The following SLC39A11 variants were observed in gnomAD, a reference collection of about 807,000 sequenced individuals.
SLC39A11 encodes zinc transporter ZIP11.
In SLC39A11, 33 loss-of-function variants were observed where a neutral mutation model predicts 36.1. The observed-to-expected ratio is 0.91, with a 90% CI of 0.69 to 1.22. The LOEUF (loss-of-function observed/expected upper bound fraction) is 1.22. SLC39A11 is among the 50% of genes most tolerant of loss of function. The probability of loss-of-function intolerance (pLI) is 0.00; values close to 1 mark genes in which losing one functional copy is unlikely to be tolerated. For synonymous variants in SLC39A11, 166 were observed against 170.3 expected (o/e 0.97, Z 0.20); for missense variants, 432 against 430.3 (o/e 1.00, Z -0.03).
At chr17:73,074,586 C>T (rs990284457) in intron 3 of SLC39A11, among the ~76,000 whole-genome samples, 1 of 152,010 alleles carries the variant, frequency 6.6e-6, no homozygotes, top group African/African-American at 2.4e-5. Flanking sequence ...TGTGAGCCAC[C>T]GTACCCAGCC....
intron 3 of SLC39A11, among the ~76,000 whole-genome samples, chr17:73,062,475 A>AAAAAAAAC (rs56021607): frequency 0.01 from 876 of 87,002 alleles, 73 homozygotes; most frequent in African/African-American, 0.037. Flanking sequence ...AAAAAAAAAA[A>AAAAAAAAC]AAACTTTAGG....
At chr17:72,651,399 C>T (rs2069845788) in intron 7 of SLC39A11, among the ~76,000 whole-genome samples, 3 of 152,036 alleles carry the variant, frequency 2.0e-5, no homozygotes, top group Non-Finnish European at 4.4e-5. Context: ...CACCTGTGGC[C>T]ACTACTGAAT....
intron 6 of SLC39A11, among the ~76,000 whole-genome samples, chr17:72,741,126 A>G (rs1012787624): frequency 6.6e-6 from 1 of 152,088 alleles, no homozygotes; most frequent in African/African-American, 2.4e-5. Flanking sequence ...CTGCAACAGC[A>G]ACAGGAGGTG....
intron 4 of SLC39A11, among the ~76,000 whole-genome samples, chr17:72,985,991 G>A (rs201300819): frequency 6.6e-6 from 1 of 152,146 alleles, no homozygotes; most frequent in Non-Finnish European, 1.5e-5. Context: ...GCTACTAGAA[G>A]CCAAGGAACC....
chr17:72,738,393 ACT>A (rs1270738685), intron 6 of SLC39A11, among the ~76,000 whole-genome samples: 2 of 152,096 alleles, frequency 1.3e-5, no homozygotes, highest in African/African-American at 4.8e-5. Flanking sequence ...TGCGGTCTAC[ACT>A]GATGGGGTGG....
chr17:72,755,317 C>G (rs1197034574), intron 6 of SLC39A11, among the ~76,000 whole-genome samples: 2 of 152,226 alleles, frequency 1.3e-5, no homozygotes, highest in African/African-American at 4.8e-5. Context: ...GCAACGAAAT[C>G]AGGAGGCGAA....
chr17:72,972,790 T>C (rs1269017677), intron 4 of SLC39A11, among the ~76,000 whole-genome samples: 2 of 152,296 alleles, frequency 1.3e-5, no homozygotes, highest in East Asian at 3.9e-4. Context: ...GCTCTGCCCG[T>C]GGAAATCACT....
At chr17:72,668,637 G>C (rs2070861074) in intron 7 of SLC39A11, among the ~76,000 whole-genome samples, 1 of 152,202 alleles carries the variant, frequency 6.6e-6, no homozygotes, top group Admixed American at 6.5e-5. Flanking sequence ...CTATGAATGG[G>C]CATGAAGGAA....
chr17:72,830,911 C>T (rs1451074373), intron 6 of SLC39A11, among the ~76,000 whole-genome samples: 1 of 152,166 alleles, frequency 6.6e-6, no homozygotes, highest in Non-Finnish European at 1.5e-5. Context: ...CCACTCCCAA[C>T]AGGAAAGCCC....
intron 3 of SLC39A11, among the ~76,000 whole-genome samples, chr17:73,048,083 T>C (rs2059380563): frequency 1.3e-5 from 2 of 148,840 alleles, no homozygotes; most frequent in African/African-American, 4.9e-5. Flanking sequence ...TTTCAGCTTT[T>C]AGTTTGGATA....
intron 6 of SLC39A11, among the ~76,000 whole-genome samples, chr17:72,777,646 T>C (rs2713969): frequency 0.65 from 99,494 of 151,920 alleles, 33,808 homozygotes; most frequent in Non-Finnish European, 0.77. Context: ...AAGAAAGGTC[T>C]TCTCTAGAGC....
At chr17:72,693,578 T>G (rs1433473862) in intron 7 of SLC39A11, among the ~76,000 whole-genome samples, 1 of 152,110 alleles carries the variant, frequency 6.6e-6, no homozygotes, top group Non-Finnish European at 1.5e-5. Context: ...GCGTGGCAGA[T>G]CTCACGAAAG....
chr17:72,914,558 C>T (rs1458413334), intron 5 of SLC39A11, among the ~76,000 whole-genome samples: 1 of 152,010 alleles, frequency 6.6e-6, no homozygotes, highest in South Asian at 2.1e-4. Context: ...GGAACTAATA[C>T]CCCATAGGTA....
At chr17:72,720,278 C>G (rs12937496) in intron 7 of SLC39A11, among the ~76,000 whole-genome samples, 50,640 of 151,998 alleles carry the variant, frequency 0.33, 9,215 homozygotes, top group Admixed American at 0.44. Flanking sequence ...GGGAGGGCCT[C>G]GGGGGAAAGA....
chr17:72,690,063 C>T (rs56277924), intron 7 of SLC39A11, among the ~76,000 whole-genome samples: 89,691 of 152,064 alleles, frequency 0.59, 26,986 homozygotes, highest in South Asian at 0.7. Context: ...AGGAAATACT[C>T]TCCTTCCTCC....
intron 3 of SLC39A11, among the ~76,000 whole-genome samples, chr17:73,040,984 C>CAAAAAAA (rs775559282): frequency 4.4e-5 from 2 of 44,970 alleles, no homozygotes; most frequent in East Asian, 7.7e-4. Flanking sequence ...GACTCCATCT[C>CAAAAAAA]AAAAAAAAAA....
At chr17:72,982,642 G>A (rs1033379795) in intron 4 of SLC39A11, among the ~76,000 whole-genome samples, 5 of 151,394 alleles carry the variant, frequency 3.3e-5, no homozygotes, top group African/African-American at 1.2e-4. Context: ...AAAGACACCT[G>A]GGGAGAAATC....
chr17:72,748,860 TG>T (rs1239338192), intron 6 of SLC39A11, among the ~76,000 whole-genome samples: 1 of 152,178 alleles, frequency 6.6e-6, no homozygotes, highest in East Asian at 1.9e-4. Flanking sequence ...CGTCCACACC[TG>T]GGTTTGCCCT....
intron 6 of SLC39A11, among the ~76,000 whole-genome samples, chr17:72,812,701 G>A (rs181179042): frequency 4.6e-5 from 7 of 152,168 alleles, no homozygotes; most frequent in Admixed American, 2.0e-4. Flanking sequence ...GTCTTTTTAC[G>A]GTGAACTTTA....
Sources: gnomAD v4.1 joint callset for allele counts (sites outside exome capture counted in the v4.1 genomes callset) on GRCh38, gnomAD v4.1.1 for gene constraint, MANE v1.5 for transcripts, NCBI Gene and HGNC (gene_info 2026-07-23, HGNC 2026-07-21) for gene names.